INPP5B: variants seen among roughly 807,000 people sequenced by gnomAD.
INPP5B encodes the protein inositol polyphosphate-5-phosphatase B.
Under a neutral mutation model 118.5 loss-of-function variants are expected in INPP5B, and 90 were observed. The observed-to-expected ratio is 0.76, with a 90% CI of 0.64 to 0.90. The LOEUF (loss-of-function observed/expected upper bound fraction) is 0.90. Ranked by LOEUF, INPP5B falls within the 40% of genes least tolerant of loss-of-function variation. INPP5B has a pLI of 0.00. For synonymous variants in INPP5B, 385 were observed against 418.9 expected (o/e 0.92, Z 0.99); for missense variants, 984 against 1,125.6 (o/e 0.87, Z 1.80).
At chr1:37,877,327 G>A (rs1286481308) in intron 16 of INPP5B, among the ~76,000 whole-genome samples, 2 of 151,166 alleles carry the variant, frequency 1.3e-5, no homozygotes, top group African/African-American at 4.9e-5. Flanking sequence ...GGGTGACAGA[G>A]CGAGACTCCA....
rs866593543 is a variant in INPP5B at position 37,896,904 on chromosome 1, G to A, written c.533-5450C>T. ...CCAGCCGCCCCATCCGGGAAGTGAG[G>A]GGCGCTCTGCCCAGCCGCCCCTACT... On this transcript the variant is annotated intron_variant, in intron 7 of 23. Transcript: ENST00000373024. 5.3e-5 allele frequency among the ~76,000 whole-genome samples: 7 copies of A among 132,164 alleles called. 1 individual carries two copies. Among genetic ancestry groups the A allele is most frequent in the Admixed American group, 5.2e-4 (7 of 13,462 alleles). 86.7% of individuals were successfully genotyped at this position (132,164 alleles called of 152,430 possible).
At chr1:37,872,805 C>T in intron 19 of INPP5B, 125 bp downstream of exon 19, 1 of 699,794 alleles carries the variant, frequency 1.4e-6, no homozygotes, top group Non-Finnish European at 2.5e-6. Context: ...ACAGCTGATA[C>T]ACTAAGCAAG....
In INPP5B at chr1:37,868,625, A is replaced by G. The variant is rs780252910; in HGVS notation, c.2188-11T>C. ...TACTGGCATCAGAGTCTGGAAAGCA[A>G]TCAAGATCATGACAGAACTTCTGCC... On this transcript the variant is annotated splice_polypyrimidine_tract_variant and intron_variant, in intron 19 of 23. Transcript: ENST00000373024. 6.4e-7 allele frequency: 1 copy of G among 1,562,970 alleles called. No individual in the cohort carries two copies. Among genetic ancestry groups the G allele is most frequent in the South Asian group, 1.1e-5 (1 of 89,992 alleles).
At chr1:37,886,273 T>TA (rs71053998) in intron 12 of INPP5B, among the ~76,000 whole-genome samples, 89,106 of 147,864 alleles carry the variant, frequency 0.6, 27,861 homozygotes, top group Non-Finnish European at 0.71. Flanking sequence ...TTGTACAGAT[T>TA]AAAAAAAAAA....
chr1:37,943,125 C>T (rs1226917367), intron 5 of INPP5B, among the ~76,000 whole-genome samples: 1 of 151,696 alleles, frequency 6.6e-6, no homozygotes, highest in Non-Finnish European at 1.5e-5. Flanking sequence ...CTCAGCCTCT[C>T]GAGTAGCTGG....
Position 37,874,017 on chromosome 1 carries a change from G to T in INPP5B, c.1927C>A (p.Pro643Thr). The T allele has an allele frequency of 6.3e-7, 1 of 1,585,414 alleles. No homozygotes were observed. Among genetic ancestry groups the T allele is most frequent in the Non-Finnish European group, 8.6e-7 (1 of 1,159,070 alleles). The change falls in exon 18 of 24, where the codon CCC (proline) becomes ACC (threonine). Residue 643 changes from proline (P) to threonine (T), a missense_variant. Around this residue, in one of 2 missense-constraint regions of INPP5B, gnomAD observed 634 missense variants for 791.0 expected, o/e 0.80. Transcript: ENST00000373024. ...SYCKQWLNANPSRGFLLPDSD... is the reference protein window; with the variant it reads ...SYCKQWLNANTSRGFLLPDSD... ...CCTGGCAGGAGGAAGCCTCTGCTGG[G>T]GTTGGCATTCAGCCACTGCTTACAG...
chr1:37,868,645 T>G (rs2306425), intron 19 of INPP5B, 31 bp from the exon 20 acceptor site: 1 of 1,453,762 alleles, frequency 6.9e-7, no homozygotes, highest in Admixed American at 1.7e-5. Context: ...TGACAGAACT[T>G]CTGCCAGGCT....
intron 7 of INPP5B, chr1:37,929,248 T>C (rs1433617276): frequency 5.3e-5 from 8 of 152,118 alleles, no homozygotes; most frequent in African/African-American, 1.9e-4. Flanking sequence ...GCTTCCCAAG[T>C]ACCTGGGATT....
intron 4 of INPP5B, 48 bp downstream of exon 4, chr1:37,943,748 T>C (rs753822015): frequency 1.2e-6 from 2 of 1,610,638 alleles, no homozygotes; most frequent in South Asian, 1.1e-5. Flanking sequence ...AAAGATGAGC[T>C]GGGGGGCCCA....
chr1:37,889,674 A>G lies in INPP5B; in HGVS notation c.680T>C (p.Ile227Thr). 6.2e-7 allele frequency: 1 copy of G among 1,613,826 alleles called. No individual in the cohort carries two copies. Among genetic ancestry groups the G allele is most frequent in the Non-Finnish European group, 8.5e-7 (1 of 1,179,846 alleles). Residue 227 changes from isoleucine (I) to threonine (T), a missense_variant, in exon 9 of 24, where the codon ATC becomes ACC. By Grantham distance (89) the Ile-to-Thr change is moderately conservative (BLOSUM62 -1). Transcript: ENST00000373024. Reference protein sequence around the residue: ...EITDMVRSSTITVSDKAHILS... With the variant: ...EITDMVRSSTTTVSDKAHILS... ...AATATGAGCCTTGTCCGACACTGTG[A>G]TAGTGGAGGAGCGAACCATGTCAGT...
intron 13 of INPP5B, 109 bp from the exon 14 acceptor site, chr1:37,883,027 TG>T: frequency 6.7e-7 from 1 of 1,483,632 alleles, no homozygotes; most frequent in South Asian, 1.4e-5. Context: ...GGGAGGTGGG[TG>T]GGAAAATGGC....
Position 37,934,970 on chromosome 1 carries a change from C to T in INPP5B, c.392-2917G>A, listed in dbSNP as rs377597068. ...ATCCCAACACTTTGGGAGGCCGAGG[C>T]GGGCGGATCACGAGGTCAGGAGATC... On this transcript the variant is annotated intron_variant, in intron 6 of 23. Coordinates refer to ENST00000373024, the MANE Select transcript of INPP5B (RefSeq NM_005540.3). 3.3e-5 allele frequency among the ~76,000 whole-genome samples: 5 copies of T among 151,250 alleles called. No homozygotes were observed. The South Asian group carries it at 1.0e-3, about 32-fold the overall frequency.
At chr1:37,942,859 A>C (rs1369281231) in intron 5 of INPP5B, among the ~76,000 whole-genome samples, 1 of 143,602 alleles carries the variant, frequency 7.0e-6, no homozygotes, top group Non-Finnish European at 1.5e-5. Flanking sequence ...CAGTGAGCCA[A>C]GATCATGCCA....
At chr1:37,932,621 C>A (rs1222398974) in intron 6 of INPP5B, among the ~76,000 whole-genome samples, 7 of 152,122 alleles carry the variant, frequency 4.6e-5, no homozygotes, top group Non-Finnish European at 7.4e-5. Context: ...CCTGCCTCGG[C>A]CTCCCAAAGT....
intron 7 of INPP5B, among the ~76,000 whole-genome samples, chr1:37,894,622 C>T (rs1424512596): frequency 3.4e-5 from 5 of 146,468 alleles, no homozygotes; most frequent in African/African-American, 5.1e-5. Context: ...AGTGCAGTGG[C>T]GCAAGCTTGG....
At chr1:37,896,611 C>G (rs1644091308) in intron 7 of INPP5B, among the ~76,000 whole-genome samples, 3 of 145,032 alleles carry the variant, frequency 2.1e-5, no homozygotes, top group African/African-American at 5.1e-5. Context: ...GGGGTCAGCC[C>G]CCCGCCCGGC....
intron 7 of INPP5B, chr1:37,928,615 C>A (rs901182638): frequency 2.0e-5 from 3 of 152,230 alleles, no homozygotes; most frequent in Non-Finnish European, 4.4e-5. Flanking sequence ...CTGCCTCAGC[C>A]TCCCAAAGTG....
intron 5 of INPP5B, chr1:37,942,103 GCAAA>G: frequency 6.7e-6 from 1 of 149,960 alleles, no homozygotes; most frequent in South Asian, 2.1e-4. Context: ...AAATGGAGAT[GCAAA>G]CAGTGATAAC....
rs1643720761 is a variant in INPP5B, at chr1:37,889,547, A to C, written c.797+10T>G. 1 of 1,605,682 alleles carries C rather than the reference A, an allele frequency of 6.2e-7. No individual in the cohort carries two copies. Among genetic ancestry groups the C allele is most frequent in the African/African-American group, 1.4e-5 (1 of 73,284 alleles). On this transcript the variant is annotated intron_variant, in intron 9 of 23. Coordinates refer to ENST00000373024, the MANE Select transcript of INPP5B (RefSeq NM_005540.3). ...CTGCTCTGAAAACATCCTAGAACCC[A>C]GTTAGCTACCTGAAGTTCTGGATAT...
Sources: allele counts gnomAD v4.1 joint callset (sites outside exome capture counted in the v4.1 genomes callset), GRCh38; gene constraint gnomAD v4.1.1; regional missense constraint gnomAD v4.1.1; transcripts MANE v1.5; gene names NCBI Gene and HGNC (gene_info 2026-07-23, HGNC 2026-07-21).